The following GRIP1 variants were observed in gnomAD, a reference collection of about 807,000 sequenced individuals.
GRIP1 encodes the protein glutamate receptor-interacting protein 1.
In GRIP1, 45 loss-of-function variants were observed where a neutral mutation model predicts 129.9. The ratio of observed to expected loss-of-function variants is 0.35; its 90% CI spans 0.27 to 0.44. The LOEUF (loss-of-function observed/expected upper bound fraction) is 0.44. Among genes scored for constraint, GRIP1 ranks in the 20% least tolerant of loss-of-function variants. GRIP1 has a pLI of 1.00. For missense variants in GRIP1, 1,196 were observed against 1,396.8 expected (o/e 0.86, Z 2.29); for synonymous variants, 530 against 520.8 (o/e 1.02, Z -0.24).
At chr12:66,381,492 G>A (rs2056107696) in intron 19 of GRIP1, among the ~76,000 whole-genome samples, 1 of 152,146 alleles carries the variant, frequency 6.6e-6, no homozygotes, top group Non-Finnish European at 1.5e-5. Flanking sequence ...AAGAGTTTGG[G>A]GAAGCCTGTA....
chr12:66,795,428 C>T (rs1032422553), intron 1 of GRIP1, among the ~76,000 whole-genome samples: 3 of 152,146 alleles, frequency 2.0e-5, no homozygotes, highest in Admixed American at 6.6e-5. Context: ...ATCAAAAGCA[C>T]CTGTTTTCAC....
chr12:66,523,086 T>C (rs372164675), intron 5 of GRIP1, among the ~76,000 whole-genome samples: 10 of 151,650 alleles, frequency 6.6e-5, no homozygotes, highest in Admixed American at 3.3e-4. Context: ...GAGAATGGAA[T>C]CAAGTGGGAA....
chr12:66,758,081 T>C (rs1328687924), intron 1 of GRIP1, among the ~76,000 whole-genome samples: 2 of 152,124 alleles, frequency 1.3e-5, no homozygotes, highest in East Asian at 3.9e-4. Context: ...ATTTACACAA[T>C]GTAGCTGGTT....
intron 1 of GRIP1, among the ~76,000 whole-genome samples, chr12:66,669,247 G>A (rs1293714365): frequency 6.6e-6 from 1 of 152,056 alleles, no homozygotes; most frequent in Non-Finnish European, 1.5e-5. Context: ...AATTAGCCAG[G>A]TGTGGTGATG....
chr12:66,788,908 G>A (rs1259923859), intron 1 of GRIP1, among the ~76,000 whole-genome samples: 1 of 151,992 alleles, frequency 6.6e-6, no homozygotes, highest in Non-Finnish European at 1.5e-5. Context: ...AGAAATGTTT[G>A]TTTTTTTAAG....
chr12:66,531,382 C>T (rs1456843649), intron 4 of GRIP1, among the ~76,000 whole-genome samples: 2 of 146,846 alleles, frequency 1.4e-5, no homozygotes, highest in Non-Finnish European at 3.0e-5. Context: ...TTTAAAAAAA[C>T]TTTTCTTACA....
chr12:66,349,195 T>C lies in GRIP1; in HGVS notation c.3211A>G (p.Ile1071Val), dbSNP rs746870204. The C allele has an allele frequency of 3.5e-5, 56 of 1,614,018 alleles. No individual in the cohort carries two copies. Among genetic ancestry groups the C allele is most frequent in the Non-Finnish European group, 1.5e-5 (18 of 1,180,018 alleles). ...TCCAGCTTATTCCCGGATTCTGCTA[T>C]GAGGGGCACAACAAGGCAGCAGTCA... ...DFDCCLVVPL[I>V]AESGNKLDLV... is the part of the protein sequence containing the mutation. Residue 1071 changes from isoleucine (I) to valine (V), a missense_variant, in exon 25 of 25, where the codon ATA becomes GTA. By Grantham distance (29) the Ile-to-Val change is conservative. Coordinates refer to ENST00000359742, the MANE Select transcript of GRIP1 (RefSeq NM_001366722.1).
chr12:66,385,667 C>G (rs2056326943), intron 19 of GRIP1, among the ~76,000 whole-genome samples: 1 of 152,004 alleles, frequency 6.6e-6, no homozygotes. Flanking sequence ...TGGAGTGCAG[C>G]AGCATGACCT....
intron 15 of GRIP1, among the ~76,000 whole-genome samples, chr12:66,420,070 G>A (rs972819489): frequency 3.9e-5 from 6 of 152,088 alleles, no homozygotes; most frequent in Admixed American, 2.0e-4. Flanking sequence ...GCACTCCAGC[G>A]TGGGTGATAC....
At chr12:66,476,771 A>G (rs2059627988) in intron 7 of GRIP1, among the ~76,000 whole-genome samples, 2 of 152,204 alleles carry the variant, frequency 1.3e-5, no homozygotes, top group African/African-American at 4.8e-5. Flanking sequence ...AACCAAAGAC[A>G]AAAACTACAT....
upstream of GRIP1, among the ~76,000 whole-genome samples, chr12:66,683,055 T>TA (rs2034645930): frequency 2.0e-5 from 3 of 152,100 alleles, no homozygotes; most frequent in South Asian, 6.2e-4. Flanking sequence ...CCACACCCCC[T>TA]ACCCTGCAAC....
chr12:66,411,279 G>A (rs1226038214), intron 15 of GRIP1, among the ~76,000 whole-genome samples: 1 of 152,152 alleles, frequency 6.6e-6, no homozygotes, highest in Non-Finnish European at 1.5e-5. Context: ...CCAGAGGAAG[G>A]AGAAGGCTCC....
At chr12:66,498,191 G>T (rs1020022122) in intron 7 of GRIP1, among the ~76,000 whole-genome samples, 4 of 152,124 alleles carry the variant, frequency 2.6e-5, no homozygotes, top group Non-Finnish European at 5.9e-5. Context: ...CTCACACAAA[G>T]CCTGTTTGGT....
At chr12:66,804,436 T>A (rs192647813), upstream of GRIP1, among the ~76,000 whole-genome samples, 6,338 of 151,216 alleles carry the variant, frequency 0.042, 147 homozygotes, top group Middle Eastern at 0.094. Context: ...TGTAATTTTT[T>A]TAAAAAAAAA....
intron 1 of GRIP1, among the ~76,000 whole-genome samples, chr12:66,704,893 T>TCTTGTACA (rs2035473850): frequency 6.6e-6 from 1 of 152,110 alleles, no homozygotes; most frequent in African/African-American, 2.4e-5. Context: ...CTGCCATCTC[T>TCTTGTACA]CTTGTACACT....
chr12:66,474,955 C>T (rs1351345039), intron 7 of GRIP1, among the ~76,000 whole-genome samples: 1 of 152,128 alleles, frequency 6.6e-6, no homozygotes, highest in Non-Finnish European at 1.5e-5. Context: ...ATCATAATGA[C>T]AGGACCAAAT....
chr12:66,710,126 T>C (rs140243780), intron 1 of GRIP1, among the ~76,000 whole-genome samples: 8 of 152,046 alleles, frequency 5.3e-5, no homozygotes, highest in African/African-American at 1.7e-4. Context: ...CATACTATAT[T>C]CATTGGAAAG....
At chr12:66,868,532 T>A (rs1423261921) in intron 1 of GRIP1, among the ~76,000 whole-genome samples, 1 of 151,886 alleles carries the variant, frequency 6.6e-6, no homozygotes, top group Non-Finnish European at 1.5e-5. Context: ...GGGATTCAAA[T>A]CCAGAGATTT....
intron 1 of GRIP1, among the ~76,000 whole-genome samples, chr12:67,067,714 GT>G (rs1406626824): frequency 1.3e-5 from 2 of 152,082 alleles, no homozygotes; most frequent in Non-Finnish European, 2.9e-5. Context: ...TTGTACATTG[GT>G]TCTTCAGTAG....
Sources: gnomAD v4.1 joint callset for allele counts (sites outside exome capture counted in the v4.1 genomes callset) on GRCh38, gnomAD v4.1.1 for gene constraint, MANE v1.5 for transcripts, NCBI Gene and HGNC (gene_info 2026-07-23, HGNC 2026-07-21) for gene names.